SAMD5: variants seen among roughly 807,000 people sequenced by gnomAD.
SAMD5 encodes sterile alpha motif domain containing 5.
A neutral mutation model predicts 11.3 loss-of-function variants in SAMD5; 13 were observed. The ratio of observed to expected loss-of-function variants is 1.15; its 90% confidence interval spans 0.75 to 1.83. The LOEUF (loss-of-function observed/expected upper bound fraction) is 1.83. Ranked by LOEUF, SAMD5 falls within the 40% of genes most tolerant of loss-of-function variation. SAMD5 has a pLI of 0.00. For synonymous variants in SAMD5, 129 were observed against 111.3 expected (o/e 1.16, Z -1.00); for missense variants, 255 against 239.1 (o/e 1.07, Z -0.44).
At chr6:147,840,520 G>T in the SAMD5 span, among the ~76,000 whole-genome samples, 1 of 152,192 alleles carries the variant, frequency 6.6e-6, no homozygotes, top group South Asian at 2.1e-4. Flanking sequence ...CCTGCTCTCA[G>T]CAGAAGAAAG....
At chr6:147,930,479 A>G in the SAMD5 span, among the ~76,000 whole-genome samples, 3 of 152,142 alleles carry the variant, frequency 2.0e-5, no homozygotes, top group African/African-American at 4.8e-5. Context: ...ACACGTTTCT[A>G]TAATATATAA....
the SAMD5 span, among the ~76,000 whole-genome samples, chr6:147,940,436 G>A: frequency 6.6e-6 from 1 of 152,174 alleles, no homozygotes; most frequent in Non-Finnish European, 1.5e-5. Context: ...ACAGCGCCCT[G>A]CTGTATGCTT....
intron 1 of SAMD5, among the ~76,000 whole-genome samples, chr6:147,642,708 T>C (rs933643852): frequency 1.1e-4 from 17 of 152,218 alleles, no homozygotes; most frequent in African/African-American, 4.1e-4. Flanking sequence ...ACTTTTTGTT[T>C]TCTTTCTAAT....
intron 1 of SAMD5, among the ~76,000 whole-genome samples, chr6:147,693,561 A>G (rs1330514664): frequency 2.6e-5 from 4 of 152,258 alleles, no homozygotes; most frequent in Admixed American, 6.5e-5. Context: ...GGAATAATGA[A>G]GACTTTGGTT....
chr6:147,838,418 G>A, the SAMD5 span, among the ~76,000 whole-genome samples: 1 of 151,864 alleles, frequency 6.6e-6, no homozygotes, highest in Non-Finnish European at 1.5e-5. Flanking sequence ...TTTGTCACCT[G>A]TAAAATGGGT....
chr6:147,712,069 A>C (rs1055632771), intron 1 of SAMD5, among the ~76,000 whole-genome samples: 2 of 152,216 alleles, frequency 1.3e-5, no homozygotes, highest in Non-Finnish European at 2.9e-5. Flanking sequence ...TGGAAACTAT[A>C]AGAATTTTTA....
chr6:147,812,504 T>A, the SAMD5 span, among the ~76,000 whole-genome samples: 2 of 148,730 alleles, frequency 1.3e-5, no homozygotes, highest in Non-Finnish European at 2.9e-5. Flanking sequence ...ATACCAGCAG[T>A]TTTGATTTTT....
At chr6:147,692,243 C>A (rs987512978) in intron 1 of SAMD5, among the ~76,000 whole-genome samples, 4 of 152,112 alleles carry the variant, frequency 2.6e-5, no homozygotes, top group Non-Finnish European at 5.9e-5. Flanking sequence ...TTCAACCCTG[C>A]GCAACTCTTA....
the SAMD5 span, among the ~76,000 whole-genome samples, chr6:147,792,024 A>G: frequency 6.6e-6 from 1 of 152,216 alleles, no homozygotes; most frequent in Non-Finnish European, 1.5e-5. Flanking sequence ...GTGAAAGCCC[A>G]TAGAACCTTA....
the SAMD5 span, among the ~76,000 whole-genome samples, chr6:147,820,853 C>G: frequency 6.6e-6 from 1 of 152,130 alleles, no homozygotes; most frequent in South Asian, 2.1e-4. Flanking sequence ...CTGTGGCCAC[C>G]TCAGTTATTA....
chr6:147,810,707 C>T, the SAMD5 span, among the ~76,000 whole-genome samples: 21 of 152,140 alleles, frequency 1.4e-4, no homozygotes, highest in African/African-American at 5.1e-4. Flanking sequence ...GCAACAGGGC[C>T]AGGCACTGTT....
the SAMD5 span, among the ~76,000 whole-genome samples, chr6:147,802,003 A>G: frequency 6.6e-6 from 1 of 152,342 alleles, no homozygotes; most frequent in East Asian, 1.9e-4. Context: ...ACCTTGGGAC[A>G]TGCAGAGATT....
the SAMD5 span, among the ~76,000 whole-genome samples, chr6:147,763,864 G>A: frequency 6.6e-6 from 1 of 152,244 alleles, no homozygotes; most frequent in Non-Finnish European, 1.5e-5. Context: ...TTACAGGCAT[G>A]AGCCACAATA....
intron 1 of SAMD5, among the ~76,000 whole-genome samples, chr6:147,702,248 C>T (rs896933463): frequency 2.0e-5 from 3 of 152,182 alleles, no homozygotes; most frequent in African/African-American, 7.2e-5. Context: ...GATTCAGTTA[C>T]CTCCCACAGG....
chr6:147,729,258 A>G (rs7763764), intron 1 of SAMD5, among the ~76,000 whole-genome samples: 80,592 of 152,062 alleles, frequency 0.53, 22,189 homozygotes, highest in Middle Eastern at 0.65. Context: ...CCCATTTCCA[A>G]ATAAAGTCAC....
intron 1 of SAMD5, among the ~76,000 whole-genome samples, chr6:147,718,735 G>C (rs79507994): frequency 0.013 from 2,044 of 151,954 alleles, 27 homozygotes; most frequent in Non-Finnish European, 0.02. Context: ...CTGTTGCCAA[G>C]GCTAAAGTAC....
Position 147,568,557 on chromosome 6 carries a change from C to T in SAMD5, c.*4101C>T. The T allele has an allele frequency of 8.1e-6, 8 of 985,380 alleles. No individual in the cohort carries two copies. The highest frequency in any genetic ancestry group is 9.6e-6 in the Non-Finnish European group (8 of 829,908). 61.0% of individuals were successfully genotyped at this position (985,380 alleles called of 1,614,324 possible). On this transcript the variant is annotated 3_prime_UTR_variant, in exon 2 of 2. Transcript: ENST00000367474. ...AAAGTCTGACCCTACATTGCCAATT[C>T]TCAGACCAAGTACAAAGTATTAGGA... is the stretch of plus-strand genomic sequence containing the variant.
chr6:147,604,209 CTT>C (rs5880717), intron 1 of SAMD5, among the ~76,000 whole-genome samples: 4 of 148,416 alleles, frequency 2.7e-5, no homozygotes, highest in Non-Finnish European at 6.0e-5. Flanking sequence ...AATGTACTAA[CTT>C]TTTTTTTTTT....
intron 1 of SAMD5, among the ~76,000 whole-genome samples, chr6:147,686,665 A>T (rs1583139339): frequency 6.7e-6 from 1 of 149,320 alleles, no homozygotes; most frequent in Non-Finnish European, 1.5e-5. Context: ...TGCTATTTTA[A>T]TTCCTATAGC....
Sources: gnomAD v4.1 joint callset for allele counts (sites outside exome capture counted in the v4.1 genomes callset) on GRCh38, gnomAD v4.1.1 for gene constraint, MANE v1.5 for transcripts, NCBI Gene and HGNC (gene_info 2026-07-23, HGNC 2026-07-21) for gene names.